Variants in TRIM22 observed in about 807,000 individuals in gnomAD.
TRIM22 encodes the protein E3 ubiquitin-protein ligase TRIM22.
TRIM22 carries 45 observed loss-of-function variants against 53.6 expected under a neutral mutation model. The observed-to-expected ratio is 0.84, with a 90% CI of 0.66 to 1.08. TRIM22 has a LOEUF of 1.08. Ranked by LOEUF, TRIM22 falls within the 50% of genes least tolerant of loss-of-function variation. TRIM22 has a pLI of 0.00. For missense variants in TRIM22, 616 were observed against 590.9 expected, an observed-to-expected ratio of 1.04 and a Z score of -0.44; for synonymous variants, 225 against 216.6, an observed-to-expected ratio of 1.04 and a Z score of -0.34.
chr11:5,708,004 C>CA (rs1159413574), intron 5 of TRIM22, among the ~76,000 whole-genome samples, 169 bp from the exon 6 acceptor site: 1 of 152,306 alleles, frequency 6.6e-6, no homozygotes, highest in Admixed American at 6.5e-5. Flanking sequence ...GACAGGTAGA[C>CA]ATGAGCACAT....
intron 4 of TRIM22, among the ~76,000 whole-genome samples, chr11:5,702,266 A>C (rs901119714): frequency 3.4e-5 from 5 of 145,410 alleles, no homozygotes; most frequent in African/African-American, 1.2e-4. Flanking sequence ...TATATAATAT[A>C]TAACTAATAT....
intron 1 of TRIM22, among the ~76,000 whole-genome samples, chr11:5,691,448 C>T (rs1359075470): frequency 6.6e-6 from 1 of 152,184 alleles, no homozygotes; most frequent in Non-Finnish European, 1.5e-5. Flanking sequence ...CCAATTAGGT[C>T]AGGGGTCCAT....
intron 4 of TRIM22, among the ~76,000 whole-genome samples, chr11:5,699,498 T>G (rs905158058): frequency 9.0e-6 from 1 of 111,638 alleles, no homozygotes; most frequent in African/African-American, 3.6e-5. Context: ...CAGTCCGCAG[T>G]CCGGCCTGGG....
chr11:5,707,071 T>C (rs1241437379), intron 5 of TRIM22, among the ~76,000 whole-genome samples: 1 of 152,182 alleles, frequency 6.6e-6, no homozygotes, highest in East Asian at 1.9e-4. Flanking sequence ...TAGATTCAAG[T>C]CTTGAGGAAT....
intron 1 of TRIM22, among the ~76,000 whole-genome samples, chr11:5,695,851 T>C (rs1418098550): frequency 6.6e-6 from 1 of 152,116 alleles, no homozygotes; most frequent in Admixed American, 6.6e-5. Context: ...TGTTTTGGGT[T>C]GGGGAACAAA....
chr11:5,710,041 C>T lies in TRIM22; in HGVS notation c.*393C>T, dbSNP rs1215739490. On this transcript the variant is annotated 3_prime_UTR_variant, in exon 8 of 8. Coordinates refer to ENST00000379965, the MANE Select transcript of TRIM22 (RefSeq NM_006074.5). Reference sequence around the variant, plus strand: ...TTTATTAAGACACCAGTCATACTGGCTCAGGGCCCACCGCTAATGCCTTAA... The same window carrying T: ...TTTATTAAGACACCAGTCATACTGGTTCAGGGCCCACCGCTAATGCCTTAA... 1 of 179,142 alleles carries T rather than the reference C, an allele frequency of 5.6e-6. No homozygotes were observed. Among genetic ancestry groups the T allele is most frequent in the Non-Finnish European group, 1.2e-5 (1 of 84,692 alleles). 11.1% of individuals were successfully genotyped at this position (179,142 alleles called of 1,614,324 possible).
intron 1 of TRIM22, among the ~76,000 whole-genome samples, chr11:5,693,317 C>T (rs1853205428): frequency 6.6e-6 from 1 of 151,280 alleles, no homozygotes; most frequent in South Asian, 2.1e-4. Flanking sequence ...GAAACTTCTA[C>T]ATTCGCACCA....
intron 3 of TRIM22, chr11:5,698,064 G>A: frequency 2.3e-6 from 1 of 431,516 alleles, no homozygotes; most frequent in Admixed American, 3.4e-5. Flanking sequence ...TACAATCCAA[G>A]CCTCACCCAG....
intron 1 of TRIM22, among the ~76,000 whole-genome samples, chr11:5,693,750 AT>A (rs1267608919): frequency 1.3e-5 from 2 of 150,388 alleles, no homozygotes; most frequent in African/African-American, 2.4e-5. Flanking sequence ...AAAAGAATGA[AT>A]AAATCAAGAA....
In TRIM22 at chr11:5,698,524, A is replaced by C. The variant is rs1192947446; in HGVS notation, c.729A>C (p.Gly243=). 1 of 1,613,388 alleles carries C rather than the reference A, an allele frequency of 6.2e-7. No individual in the cohort carries two copies. Among genetic ancestry groups the C allele is most frequent in the African/African-American group, 1.3e-5 (1 of 74,898 alleles). The change falls in exon 4 of 8, where the codon GGA becomes GGC. Residue 243 remains glycine (G), a synonymous_variant. Transcript: ENST00000379965. ...CAGATCTCCAGCGGAGGTTGAGGGG[A>C]TCGTCAGTAGAGATGCTGCAGGTAA... ...LISDLQRRLR[G]SSVEMLQDVI... is the part of the protein sequence containing the mutation.
chr11:5,698,649 T>C, intron 4 of TRIM22, 104 bp downstream of exon 4: 1 of 970,470 alleles, frequency 1.0e-6, no homozygotes, highest in African/African-American at 1.6e-5. Flanking sequence ...TGTGGTGACA[T>C]GAAATGGTTC....
chr11:5,701,666 C>T (rs1427485808), intron 4 of TRIM22, among the ~76,000 whole-genome samples: 3 of 152,088 alleles, frequency 2.0e-5, no homozygotes, highest in African/African-American at 4.8e-5. Context: ...TAACTTAAAA[C>T]CTCATACAAA....
intron 4 of TRIM22, among the ~76,000 whole-genome samples, chr11:5,698,919 T>C (rs116309427): frequency 0.013 from 1,915 of 152,360 alleles, 51 homozygotes; most frequent in African/African-American, 0.044. Context: ...TTTCTGTCTG[T>C]ATAGAATTGG....
intron 4 of TRIM22, among the ~76,000 whole-genome samples, chr11:5,704,555 G>C (rs1853427940): frequency 2.0e-5 from 3 of 152,104 alleles, no homozygotes; most frequent in Non-Finnish European, 4.4e-5. Context: ...TTGTAAATAT[G>C]CTTTCCCATT....
intron 4 of TRIM22, among the ~76,000 whole-genome samples, chr11:5,700,784 C>T (rs1234655094): frequency 6.6e-6 from 1 of 151,602 alleles, no homozygotes; most frequent in Non-Finnish European, 1.5e-5. Context: ...CCACCACATC[C>T]AGCTAATTTT....
chr11:5,692,997 T>G (rs1853197241), intron 1 of TRIM22, among the ~76,000 whole-genome samples: 1 of 151,040 alleles, frequency 6.6e-6, no homozygotes, highest in Admixed American at 6.6e-5. Flanking sequence ...TGCCTCAGCC[T>G]CCAGAGTAGC....
intron 3 of TRIM22, 73 bp from the exon 4 acceptor site, chr11:5,698,242 T>C (rs1853301774): frequency 8.1e-7 from 1 of 1,234,016 alleles, no homozygotes; most frequent in Non-Finnish European, 1.2e-6. Context: ...GTTCTTATCC[T>C]GTCTCCCAGG....
intron 4 of TRIM22, 116 bp from the exon 5 acceptor site, chr11:5,706,478 G>T: frequency 1.3e-6 from 1 of 757,594 alleles, no homozygotes; most frequent in Non-Finnish European, 2.1e-6. Flanking sequence ...ATATTATAAG[G>T]GTCATATATA....
At chr11:5,698,049 G>T in intron 3 of TRIM22, 1 of 397,394 alleles carries the variant, frequency 2.5e-6, no homozygotes, top group Non-Finnish European at 4.7e-6. Flanking sequence ...TTCAGGACAG[G>T]TGTCTACAAT....
Sources: gnomAD v4.1 joint callset for allele counts (sites outside exome capture counted in the v4.1 genomes callset) on GRCh38, gnomAD v4.1.1 for gene constraint, MANE v1.5 for transcripts, NCBI Gene and HGNC (gene_info 2026-07-23, HGNC 2026-07-21) for gene names.